FREM2: variants seen among roughly 807,000 people sequenced by gnomAD.
FREM2 encodes the protein FRAS1 related extracellular matrix 2.
A neutral mutation model predicts 219.9 loss-of-function variants in FREM2; 119 were observed. The observed-to-expected ratio is 0.54, with a 90% CI of 0.47 to 0.63. FREM2 has a LOEUF of 0.63. Among genes scored for constraint, FREM2 ranks in the 30% least tolerant of loss-of-function variants. FREM2 has a pLI of 0.00. For missense variants in FREM2, 4,030 were observed against 3,993.6 expected (o/e 1.01, Z -0.25); for synonymous variants, 1,562 against 1,522.8 (o/e 1.03, Z -0.60).
At chr13:38,781,376 C>T (rs1165217813) in intron 4 of FREM2, among the ~76,000 whole-genome samples, 1 of 152,134 alleles carries the variant, frequency 6.6e-6, no homozygotes, top group Non-Finnish European at 1.5e-5. Context: ...TCTTAGGCCC[C>T]TCTACTCACA....
At chr13:38,735,932 G>A (rs909555197) in intron 2 of FREM2, among the ~76,000 whole-genome samples, 4 of 152,176 alleles carry the variant, frequency 2.6e-5, no homozygotes, top group Admixed American at 6.5e-5. Context: ...GGTGCTGTTC[G>A]TGTAAAATCT....
Position 38,687,437 on chromosome 13 carries a change from G to A in FREM2, c.93G>A (p.Leu31=). The change falls in exon 1 of 24, where the codon CTG becomes CTA. Residue 31 remains leucine (L), a synonymous_variant. Coordinates refer to ENST00000280481, the MANE Select transcript of FREM2 (RefSeq NM_207361.6). The stretch of plus-strand genomic sequence containing the variant: ...GACCGCCACCGCCGCCCCGGCTGCT[G>A]CTGCTGCTGCTGCTTCTCCTGTCAC... ...QPGPPPPPRL[L]LLLLLLLSLV... The A allele has an allele frequency of 6.3e-7, 1 of 1,595,834 alleles. No homozygotes were observed. The highest frequency in any genetic ancestry group is 8.5e-7 in the Non-Finnish European group (1 of 1,171,826).
rs75939073 is a variant in FREM2, at chr13:38,713,239, G to A, written c.5263+15452G>A. Among the ~76,000 whole-genome samples the A allele has an allele frequency of 4.0e-3, 605 of 152,186 alleles. 4 individuals are homozygous for A. The highest frequency in any genetic ancestry group is 0.014 in the African/African-American group (578 of 41,522). On this transcript the variant is annotated intron_variant, in intron 2 of 23. Coordinates refer to ENST00000280481, the MANE Select transcript of FREM2 (RefSeq NM_207361.6). Reference sequence around the variant, plus strand: ...GAATGAGAACTCTGGATTTAAACTCGGAAAATTGGTCTAATGCTCAGCTTT... The same window carrying A: ...GAATGAGAACTCTGGATTTAAACTCAGAAAATTGGTCTAATGCTCAGCTTT...
intron 6 of FREM2, among the ~76,000 whole-genome samples, chr13:38,811,075 T>A (rs1875456320): frequency 6.6e-6 from 1 of 152,016 alleles, no homozygotes; most frequent in South Asian, 2.1e-4. Flanking sequence ...AATTTATCCA[T>A]TTCTTCTCTG....
At chr13:38,692,635 A>T (rs1869944511) in intron 1 of FREM2, 118 bp downstream of exon 1, 2 of 1,219,258 alleles carry the variant, frequency 1.6e-6, no homozygotes, top group African/African-American at 3.0e-5. Flanking sequence ...AACAAAGGGG[A>T]TGGGGAGAAT....
intron 6 of FREM2, among the ~76,000 whole-genome samples, chr13:38,835,712 G>A (rs374426124): frequency 3.9e-5 from 6 of 152,258 alleles, no homozygotes; most frequent in Middle Eastern, 3.4e-3. Context: ...TAGCAGTTGC[G>A]AATGGGAGTT....
Position 38,878,147 on chromosome 13 carries a change from T to C in FREM2, c.8685T>C (p.Tyr2895=). ...DVAFAEGDII[Y]GRVMVDPVQN... is the part of the protein sequence containing the mutation. Reference sequence around the variant, plus strand: ...TCTCTATTTCAGGTGATATAATTTATGGTCGTGTCATGGTGGATCCTGTCC... The same window carrying C: ...TCTCTATTTCAGGTGATATAATTTACGGTCGTGTCATGGTGGATCCTGTCC... The change falls in exon 22 of 24, where the codon TAT becomes TAC. Residue 2895 remains tyrosine, a synonymous_variant. Transcript: ENST00000280481. The C allele has an allele frequency of 1.2e-6, 2 of 1,613,410 alleles. No homozygotes were observed. The highest frequency in any genetic ancestry group is 1.7e-6 in the Non-Finnish European group (2 of 1,179,400).
At chr13:38,841,502 A>G (rs1477541562) in intron 6 of FREM2, among the ~76,000 whole-genome samples, 4 of 152,272 alleles carry the variant, frequency 2.6e-5, no homozygotes, top group South Asian at 4.2e-4. Flanking sequence ...TAAATTGTCT[A>G]GGATAATTCT....
chr13:38,834,291 A>C (rs1876627081), intron 6 of FREM2, among the ~76,000 whole-genome samples: 1 of 151,268 alleles, frequency 6.6e-6, no homozygotes, highest in South Asian at 2.1e-4. Flanking sequence ...TTCCTGTGTT[A>C]GTTTGCTGAG....
chr13:38,706,074 A>C (rs972194680), intron 2 of FREM2, among the ~76,000 whole-genome samples: 5 of 152,228 alleles, frequency 3.3e-5, no homozygotes, highest in African/African-American at 1.2e-4. Flanking sequence ...CTATGGCCAA[A>C]TAACAGAAAT....
chr13:38,834,416 G>T (rs944411042), intron 6 of FREM2, among the ~76,000 whole-genome samples: 1 of 152,086 alleles, frequency 6.6e-6, no homozygotes, highest in African/African-American at 2.4e-5. Context: ...CCAGTCTAAC[G>T]TTGATGGACA....
chr13:38,753,584 C>T (rs1477767570), intron 2 of FREM2, among the ~76,000 whole-genome samples: 4 of 152,224 alleles, frequency 2.6e-5, no homozygotes, highest in Non-Finnish European at 5.9e-5. Flanking sequence ...CTTGCATTTT[C>T]AGGAACAAAT....
rs558552057 is a variant in FREM2 at position 38,781,354 on chromosome 13, C to T, written c.5642-1716C>T. Among the ~76,000 whole-genome samples, 29 of 151,828 alleles carry T rather than the reference C, an allele frequency of 1.9e-4. No homozygotes were observed. In the East Asian group the frequency reaches 5.0e-3, roughly 26 times the overall value. On this transcript the variant is annotated intron_variant, in intron 4 of 23. Coordinates refer to ENST00000280481, the MANE Select transcript of FREM2 (RefSeq NM_207361.6). ...TTCTACCAGAGACTTTTTTTTTCGACTTTCCTGTGTATCTTAGGCCCCTCT... is the reference window on the plus strand; with the variant it reads ...TTCTACCAGAGACTTTTTTTTTCGATTTTCCTGTGTATCTTAGGCCCCTCT...
chr13:38,834,160 C>G (rs1290665678), intron 6 of FREM2, among the ~76,000 whole-genome samples: 1 of 151,850 alleles, frequency 6.6e-6, no homozygotes, highest in Non-Finnish European at 1.5e-5. Flanking sequence ...TAATGCTATC[C>G]CTCCCCTTGA....
intron 6 of FREM2, among the ~76,000 whole-genome samples, chr13:38,809,730 G>A (rs1875401031): frequency 6.6e-6 from 1 of 151,944 alleles, no homozygotes; most frequent in African/African-American, 2.4e-5. Context: ...TTTGATTACA[G>A]TCGTTCTGTA....
chr13:38,880,853 T>C lies in FREM2; in HGVS notation c.*66T>C. The C allele has an allele frequency of 6.4e-7, 1 of 1,558,774 alleles. No homozygotes were observed. Among genetic ancestry groups the C allele is most frequent in the Non-Finnish European group, 8.8e-7 (1 of 1,133,598 alleles). ...GAAAAGATCACAATGGAACCTTAAATACTTCTGGTAAACCATAGAGAATGG... is the reference window on the plus strand; with the variant it reads ...GAAAAGATCACAATGGAACCTTAAACACTTCTGGTAAACCATAGAGAATGG... On this transcript the variant is annotated 3_prime_UTR_variant, in exon 24 of 24. Coordinates refer to ENST00000280481, the MANE Select transcript of FREM2 (RefSeq NM_207361.6).
chr13:38,861,158 GC>G (rs1244055542), intron 14 of FREM2, among the ~76,000 whole-genome samples: 1 of 152,074 alleles, frequency 6.6e-6, no homozygotes, highest in Non-Finnish European at 1.5e-5. Context: ...AGAATAACCA[GC>G]ACACATTAAG....
intron 6 of FREM2, among the ~76,000 whole-genome samples, chr13:38,811,232 G>T (rs1016444860): frequency 1.3e-5 from 2 of 151,418 alleles, no homozygotes; most frequent in African/African-American, 2.4e-5. Context: ...TAACAGTTTT[G>T]TCAATGTTGT....
At chr13:38,818,791 C>T (rs1446732871) in intron 6 of FREM2, among the ~76,000 whole-genome samples, 4 of 151,836 alleles carry the variant, frequency 2.6e-5, no homozygotes, top group South Asian at 2.1e-4. Context: ...AGTGAAACCC[C>T]GTCTTTACTA....
Sources: gnomAD v4.1 joint callset for allele counts (sites outside exome capture counted in the v4.1 genomes callset) on GRCh38, gnomAD v4.1.1 for gene constraint, MANE v1.5 for transcripts, NCBI Gene and HGNC (gene_info 2026-07-23, HGNC 2026-07-21) for gene names.